MAP3K20: variants seen among roughly 807,000 people sequenced by gnomAD.
MAP3K20 encodes the protein HCCS-4.
In MAP3K20, 40 loss-of-function variants were observed where a neutral mutation model predicts 85.7. The observed-to-expected ratio is 0.47, with a 90% confidence interval of 0.36 to 0.61. The LOEUF is 0.61. MAP3K20 is among the 20% of genes least tolerant of loss of function. The probability of loss-of-function intolerance (pLI) is 0.00; values close to 1 mark genes in which losing one functional copy is unlikely to be tolerated. For missense variants in MAP3K20, 817 were observed against 961.7 expected, an observed-to-expected ratio of 0.85 and a Z score of 1.99; for synonymous variants, 325 against 327.7, an observed-to-expected ratio of 0.99 and a Z score of 0.09.
chr2:173,175,374 T>C (rs1690123311), intron 3 of MAP3K20, among the ~76,000 whole-genome samples: 1 of 152,180 alleles, frequency 6.6e-6, no homozygotes, highest in Admixed American at 6.5e-5. Context: ...TTAAGAACTG[T>C]GTCATGCCTA....
intron 2 of MAP3K20, among the ~76,000 whole-genome samples, chr2:173,113,625 T>C (rs1688035738): frequency 6.6e-6 from 1 of 152,222 alleles, no homozygotes. Flanking sequence ...ATTTTTAAAT[T>C]GCCATCTTGA....
In MAP3K20 at chr2:173,122,197, T is replaced by C. The variant is rs1390579242; in HGVS notation, c.159+31007T>C. Among the ~76,000 whole-genome samples, 4 of 152,246 alleles carry C rather than the reference T, an allele frequency of 2.6e-5. No individual in the cohort carries two copies. In the East Asian group the frequency reaches 7.7e-4, roughly 29 times the overall value. On this transcript the variant is annotated intron_variant, in intron 2 of 19. Transcript: ENST00000375213. ...ATTACAGACAAAGCGAATCACCAAA[T>C]ATATTGTCAAAGTTTTTCCCTCTGG...
chr2:173,134,428 A>ATATTTT (rs56330241), intron 2 of MAP3K20, among the ~76,000 whole-genome samples: 7 of 3,158 alleles, frequency 2.2e-3, no homozygotes, highest in Admixed American at 0.012. Context: ...ATATATATAT[A>ATATTTT]TTTTTTTTTT....
chr2:173,265,131 C>T (rs1212470917), intron 19 of MAP3K20, among the ~76,000 whole-genome samples: 2 of 152,200 alleles, frequency 1.3e-5, no homozygotes, highest in Admixed American at 6.5e-5. Flanking sequence ...CTTCAGAGCT[C>T]GGGGTCACCT....
chr2:173,193,918 T>A (rs1690740468), intron 7 of MAP3K20, among the ~76,000 whole-genome samples: 1 of 152,190 alleles, frequency 6.6e-6, no homozygotes, highest in South Asian at 2.1e-4. Flanking sequence ...TAATTTCACT[T>A]ACTGAAACAA....
intron 16 of MAP3K20, among the ~76,000 whole-genome samples, chr2:173,255,963 TGA>T (rs1685147742): frequency 6.6e-6 from 1 of 152,232 alleles, no homozygotes; most frequent in Admixed American, 6.5e-5. Context: ...AAAGAAATAC[TGA>T]GAGATTTGTC....
intron 11 of MAP3K20, among the ~76,000 whole-genome samples, chr2:173,220,253 C>G (rs1188891610): frequency 6.6e-6 from 1 of 151,948 alleles, no homozygotes; most frequent in African/African-American, 2.4e-5. Context: ...ACAGTTTTAC[C>G]CCTGAAATAG....
In MAP3K20 at chr2:173,202,750, G is replaced by A. The variant is rs73974104; in HGVS notation, c.670-1046G>A. Among the ~76,000 whole-genome samples the A allele has an allele frequency of 9.0e-3, 1,376 of 152,286 alleles. 23 individuals carry two copies. The highest frequency in any genetic ancestry group is 0.029 in the African/African-American group (1,212 of 41,566). ...GAACTCAGCAGCTACAAATGCACCC[G>A]GATGGAGTTGGGTTGTATTAACGAC... On this transcript the variant is annotated intron_variant, in intron 8 of 19. Transcript: ENST00000375213.
At chr2:173,247,492 G>A (rs74649679) in intron 16 of MAP3K20, among the ~76,000 whole-genome samples, 4,424 of 152,190 alleles carry the variant, frequency 0.029, 110 homozygotes, top group African/African-American at 0.061. Flanking sequence ...TGTATCTTGC[G>A]TTTATTAAAA....
At chr2:173,233,857 C>T (rs1684584382) in intron 14 of MAP3K20, among the ~76,000 whole-genome samples, 5 of 152,196 alleles carry the variant, frequency 3.3e-5, no homozygotes, top group Admixed American at 3.3e-4. Context: ...ACAGTAACAG[C>T]TTGGCACTCA....
At chr2:173,084,901 G>C (rs149068927) in intron 1 of MAP3K20, among the ~76,000 whole-genome samples, 1 of 152,302 alleles carries the variant, frequency 6.6e-6, no homozygotes, top group East Asian at 1.9e-4. Flanking sequence ...CCTTGCCCAA[G>C]TAGCTAATAA....
intron 3 of MAP3K20, among the ~76,000 whole-genome samples, chr2:173,175,329 T>C (rs1413041765): frequency 2.0e-5 from 3 of 152,220 alleles, no homozygotes; most frequent in Non-Finnish European, 4.4e-5. Flanking sequence ...CTTTATAATA[T>C]CCACATGACT....
chr2:173,087,715 T>G (rs2106143483), intron 1 of MAP3K20, among the ~76,000 whole-genome samples: 1 of 152,304 alleles, frequency 6.6e-6, no homozygotes. Context: ...GAAGTAATAC[T>G]TTCAAAATTA....
At position 173,090,855 on chromosome 2, in the gene MAP3K20, A is replaced by G. The variant is rs1052146140; in HGVS notation, c.-34-143A>G. 5.9e-6 allele frequency: 8 copies of G among 1,352,760 alleles called. No individual in the cohort carries two copies. In the Admixed American group the frequency reaches 1.3e-4, roughly 22 times the overall value. The allele number at this position is 1,352,760 out of a possible 1,614,324, so 83.8% of individuals were successfully genotyped here. A position where few individuals can be genotyped will look rare whatever the true frequency, so the allele number is the denominator to read the frequency against. ...GGTGAGTGTTTTCGAATTGTTTATAATCTTGCTTTTCTTCTTCCTAAGTCA... is the reference window on the plus strand; with the variant it reads ...GGTGAGTGTTTTCGAATTGTTTATAGTCTTGCTTTTCTTCTTCCTAAGTCA... On this transcript the variant is annotated intron_variant, in intron 1 of 19. Coordinates refer to ENST00000375213, the MANE Select transcript of MAP3K20 (RefSeq NM_016653.3).
intron 1 of MAP3K20, among the ~76,000 whole-genome samples, chr2:173,076,229 G>C (rs754717392): frequency 2.0e-5 from 3 of 151,828 alleles, no homozygotes; most frequent in African/African-American, 7.2e-5. Context: ...CGCCCGGGAA[G>C]TCCTCGCGGG....
intron 1 of MAP3K20, among the ~76,000 whole-genome samples, chr2:173,088,320 G>A (rs368020817): frequency 6.6e-6 from 1 of 152,302 alleles, no homozygotes; most frequent in Admixed American, 6.5e-5. Context: ...ACTGACTATT[G>A]ACTTAACCAA....
At chr2:173,254,822 T>A (rs1206818531) in intron 16 of MAP3K20, among the ~76,000 whole-genome samples, 2 of 152,234 alleles carry the variant, frequency 1.3e-5, no homozygotes, top group African/African-American at 4.8e-5. Context: ...TTACTTTATT[T>A]GTGGATTACT....
intron 2 of MAP3K20, among the ~76,000 whole-genome samples, chr2:173,143,737 T>G (rs1304476126): frequency 6.6e-6 from 1 of 152,158 alleles, no homozygotes; most frequent in African/African-American, 2.4e-5. Context: ...AAAACTGTCT[T>G]TATTTGCAGA....
chr2:173,122,638 G>T (rs766078473), intron 2 of MAP3K20, among the ~76,000 whole-genome samples: 11 of 152,140 alleles, frequency 7.2e-5, no homozygotes, highest in Non-Finnish European at 1.5e-4. Context: ...TTGTGGTGAC[G>T]TAATGGCCAC....
Sources: gnomAD v4.1 joint callset for allele counts (sites outside exome capture counted in the v4.1 genomes callset) on GRCh38, gnomAD v4.1.1 for gene constraint, MANE v1.5 for transcripts, NCBI Gene and HGNC (gene_info 2026-07-23, HGNC 2026-07-21) for gene names.